BICC1: variants seen among roughly 807,000 people sequenced by gnomAD.
BICC1 encodes the protein protein bicaudal C homolog 1.
A neutral mutation model predicts 111.0 loss-of-function variants in BICC1; 43 were observed. The ratio of observed to expected loss-of-function variants is 0.39; its 90% confidence interval spans 0.30 to 0.50. The LOEUF (loss-of-function observed/expected upper bound fraction) is 0.50, where lower values mean the gene tolerates loss of function less well. Ranked by LOEUF, BICC1 falls within the 20% of genes least tolerant of loss-of-function variation. The probability of loss-of-function intolerance (pLI) is 0.88; values close to 1 mark genes in which losing one functional copy is unlikely to be tolerated. For missense variants in BICC1, 1,091 were observed against 1,203.2 expected (o/e 0.91, Z 1.38); for synonymous variants, 467 against 434.4 (o/e 1.07, Z -0.93).
intron 3 of BICC1, among the ~76,000 whole-genome samples, chr10:58,764,467 A>C (rs1420950324): frequency 3.3e-5 from 5 of 152,186 alleles, no homozygotes; most frequent in Non-Finnish European, 7.3e-5. Context: ...ATGAAAAAGC[A>C]AAAGAAATAA....
intron 1 of BICC1, among the ~76,000 whole-genome samples, chr10:58,617,085 C>T (rs1055667673): frequency 1.3e-5 from 2 of 152,246 alleles, no homozygotes; most frequent in African/African-American, 4.8e-5. Context: ...GCATGGAGCG[C>T]TTGAGAATGC....
At chr10:58,773,277 A>G (rs2132730178) in intron 3 of BICC1, among the ~76,000 whole-genome samples, 1 of 152,302 alleles carries the variant, frequency 6.6e-6, no homozygotes, top group African/African-American at 2.4e-5. Context: ...AAAGGAGACC[A>G]ACACAAATCT....
chr10:58,773,464 TTAA>T (rs1475885874), intron 3 of BICC1, among the ~76,000 whole-genome samples: 1 of 152,202 alleles, frequency 6.6e-6, no homozygotes, highest in Non-Finnish European at 1.5e-5. Context: ...GCAATGGATA[TTAA>T]TAGATGATGA....
At chr10:58,656,298 G>T (rs1224364474) in intron 2 of BICC1, among the ~76,000 whole-genome samples, 1 of 150,982 alleles carries the variant, frequency 6.6e-6, no homozygotes, top group Admixed American at 6.6e-5. Context: ...CATTCCTTCT[G>T]AAACTATTCC....
chr10:58,771,025 T>A (rs1313539400), intron 3 of BICC1, among the ~76,000 whole-genome samples: 1 of 152,250 alleles, frequency 6.6e-6, no homozygotes, highest in Non-Finnish European at 1.5e-5. Context: ...TTACTTACTA[T>A]GATTTAATCC....
intron 2 of BICC1, among the ~76,000 whole-genome samples, chr10:58,639,960 T>A (rs1427235148): frequency 6.6e-6 from 1 of 152,078 alleles, no homozygotes; most frequent in Non-Finnish European, 1.5e-5. Flanking sequence ...TGTAATCTTC[T>A]CAAATGCAGT....
intron 17 of BICC1, among the ~76,000 whole-genome samples, chr10:58,809,233 A>G (rs893043368): frequency 6.6e-6 from 1 of 150,742 alleles, no homozygotes; most frequent in Non-Finnish European, 1.5e-5. Flanking sequence ...ACAGGGTTTC[A>G]CCATGTTGGC....
chr10:58,574,944 A>C (rs911048828), intron 1 of BICC1, among the ~76,000 whole-genome samples: 33 of 151,878 alleles, frequency 2.2e-4, no homozygotes, highest in African/African-American at 3.9e-4. Context: ...CTCTGTGTAC[A>C]TTTGTGTGAA....
intron 18 of BICC1, among the ~76,000 whole-genome samples, chr10:58,815,666 A>C (rs1248719634): frequency 1.3e-5 from 2 of 152,138 alleles, no homozygotes; most frequent in African/African-American, 2.4e-5. Flanking sequence ...AGGGAGTTTA[A>C]GAGAGACTAT....
rs146769308 is a variant in BICC1 at position 58,680,377 on chromosome 10, A to G, written c.238-21697A>G. ...ATGTGCAAAAATCACAAGCATTCCTATACGCCAATAACAGACAGCCAAATC... is the reference window on the plus strand; with the variant it reads ...ATGTGCAAAAATCACAAGCATTCCTGTACGCCAATAACAGACAGCCAAATC... On this transcript the variant is annotated intron_variant, in intron 2 of 20. Transcript: ENST00000373886. Among the ~76,000 whole-genome samples, 637 of 152,328 alleles carry G rather than the reference A, an allele frequency of 4.2e-3. 13 individuals are homozygous for G. The highest frequency in any genetic ancestry group is 0.015 in the African/African-American group (606 of 41,578).
chr10:58,813,133 CATA>C (rs1843964425), intron 17 of BICC1, among the ~76,000 whole-genome samples: 1 of 152,012 alleles, frequency 6.6e-6, no homozygotes. Context: ...ACCTAATGAA[CATA>C]ATATTTTGAA....
chr10:58,589,676 A>G (rs1378643730), intron 1 of BICC1, among the ~76,000 whole-genome samples: 2 of 152,124 alleles, frequency 1.3e-5, no homozygotes, highest in African/African-American at 2.4e-5. Flanking sequence ...AGGTCTCGCT[A>G]TGTTGTCCAG....
chr10:58,707,182 A>C (rs1840409773), intron 3 of BICC1, among the ~76,000 whole-genome samples: 3 of 152,334 alleles, frequency 2.0e-5, no homozygotes, highest in Admixed American at 6.5e-5. Context: ...TTTTGGTTAC[A>C]TTTTATCAGA....
intron 1 of BICC1, among the ~76,000 whole-genome samples, chr10:58,616,258 A>G (rs748130158): frequency 3.9e-5 from 6 of 152,236 alleles, no homozygotes; most frequent in Non-Finnish European, 7.3e-5. Context: ...CCCTGCCTGC[A>G]GGGGTCCCCC....
chr10:58,570,091 T>C (rs200972905), intron 1 of BICC1, among the ~76,000 whole-genome samples: 2 of 152,162 alleles, frequency 1.3e-5, no homozygotes, highest in Admixed American at 1.3e-4. Context: ...GGGGAAAATA[T>C]TTCTGAGAGT....
chr10:58,767,131 C>T (rs1482573035), intron 3 of BICC1, among the ~76,000 whole-genome samples: 1 of 152,162 alleles, frequency 6.6e-6, no homozygotes, highest in African/African-American at 2.4e-5. Flanking sequence ...CCCTACCCCT[C>T]CTGTGGCCAA....
At chr10:58,786,557 GTGTTTTCATC>G (rs1339470051) in intron 4 of BICC1, among the ~76,000 whole-genome samples, 1 of 152,096 alleles carries the variant, frequency 6.6e-6, no homozygotes, top group Admixed American at 6.6e-5. Flanking sequence ...TCTTGTAATT[GTGTTTTCATC>G]TGTTTTTAGT....
At chr10:58,543,312 A>G (rs1589081016) in intron 1 of BICC1, among the ~76,000 whole-genome samples, 1 of 152,264 alleles carries the variant, frequency 6.6e-6, no homozygotes, top group African/African-American at 2.4e-5. Flanking sequence ...TAAAATAGCC[A>G]TACTCTTAGA....
At chr10:58,798,327 C>T (rs1843422548) in intron 10 of BICC1, 72 bp from the exon 11 acceptor site, 1 of 1,140,338 alleles carries the variant, frequency 8.8e-7, no homozygotes, top group Non-Finnish European at 1.2e-6. Flanking sequence ...TTCCCAATGG[C>T]AATATTGGTG....
Sources: gnomAD v4.1 joint callset for allele counts (sites outside exome capture counted in the v4.1 genomes callset) on GRCh38, gnomAD v4.1.1 for gene constraint, MANE v1.5 for transcripts, NCBI Gene and HGNC (gene_info 2026-07-23, HGNC 2026-07-21) for gene names.